The following CFAP210 variants were observed in gnomAD, a reference collection of about 807,000 sequenced individuals.
CFAP210 encodes cilia- and flagella- associated protein 210.
chr2:169,659,439 G>C, the CFAP210 span: 1,527 of 153,632 alleles, frequency 9.9e-3, 26 homozygotes, highest in African/African-American at 0.035. Flanking sequence ...CAAAGAGGAA[G>C]TAAGCATGTC....
chr2:169,652,073 A>T, the CFAP210 span, among the ~76,000 whole-genome samples: 1 of 152,176 alleles, frequency 6.6e-6, no homozygotes, highest in Non-Finnish European at 1.5e-5. Context: ...CATCTTGTTA[A>T]ATTAGGGCAT....
chr2:169,692,893 A>G, the CFAP210 span, among the ~76,000 whole-genome samples: 4 of 152,210 alleles, frequency 2.6e-5, no homozygotes, highest in Non-Finnish European at 5.9e-5. Flanking sequence ...ATCTAGGCTG[A>G]CACGGGGCTG....
At chr2:169,684,179 G>A in the CFAP210 span, among the ~76,000 whole-genome samples, 1 of 152,086 alleles carries the variant, frequency 6.6e-6, no homozygotes, top group African/African-American at 2.4e-5. Flanking sequence ...GATGGACAGA[G>A]AGAGAATATA....
At chr2:169,652,393 C>T in the CFAP210 span, among the ~76,000 whole-genome samples, 1 of 152,196 alleles carries the variant, frequency 6.6e-6, no homozygotes, top group East Asian at 1.9e-4. Context: ...TGATTGCTTA[C>T]TATGCTCCTG....
the CFAP210 span, among the ~76,000 whole-genome samples, chr2:169,650,821 A>G: frequency 6.6e-6 from 1 of 151,360 alleles, no homozygotes; most frequent in Non-Finnish European, 1.5e-5. Flanking sequence ...ATTTTAGGCC[A>G]GGTGTGGTAG....
the CFAP210 span, among the ~76,000 whole-genome samples, chr2:169,661,825 T>C: frequency 8.7e-4 from 133 of 152,262 alleles, no homozygotes; most frequent in Middle Eastern, 3.4e-3. Flanking sequence ...ATATTAAAAG[T>C]TAGGCATTTG....
chr2:169,692,330 G>T, the CFAP210 span, among the ~76,000 whole-genome samples: 1 of 152,122 alleles, frequency 6.6e-6, no homozygotes, highest in Admixed American at 6.5e-5. Context: ...TGGTTCTGGA[G>T]GCTGAGAAAG....
the CFAP210 span, among the ~76,000 whole-genome samples, chr2:169,672,183 TAAAC>T: frequency 1.3e-5 from 2 of 152,240 alleles, no homozygotes; most frequent in Non-Finnish European, 2.9e-5. Context: ...CTCATACACT[TAAAC>T]AAATATATAA....
At chr2:169,645,528 G>C in the CFAP210 span, 1 of 247,902 alleles carries the variant, frequency 4.0e-6, no homozygotes, top group Non-Finnish European at 7.8e-6. Context: ...TTAATGAATG[G>C]GTATGGGGTT....
the CFAP210 span, among the ~76,000 whole-genome samples, chr2:169,682,737 G>C: frequency 2.0e-5 from 3 of 152,132 alleles, no homozygotes; most frequent in Admixed American, 1.3e-4. Context: ...GCATAACAAA[G>C]GTAGGACAGC....
At chr2:169,645,901 G>A in the CFAP210 span, 2 of 1,613,908 alleles carry the variant, frequency 1.2e-6, no homozygotes. Flanking sequence ...GTCCCTGAGA[G>A]TTATAAAAAG....
At chr2:169,660,671 T>A in the CFAP210 span, among the ~76,000 whole-genome samples, 1 of 151,534 alleles carries the variant, frequency 6.6e-6, no homozygotes, top group Non-Finnish European at 1.5e-5. Context: ...TGGCACGATC[T>A]TGACTCACTG....
chr2:169,687,796 C>T, the CFAP210 span, among the ~76,000 whole-genome samples: 11 of 152,214 alleles, frequency 7.2e-5, no homozygotes, highest in South Asian at 8.3e-4. Context: ...AGGGACTCTA[C>T]GTGGGAGCTC....
At chr2:169,670,375 G>C in the CFAP210 span, among the ~76,000 whole-genome samples, 1 of 152,136 alleles carries the variant, frequency 6.6e-6, no homozygotes, top group African/African-American at 2.4e-5. Context: ...AGTAGCATAG[G>C]ATAGATTGTT....
At chr2:169,645,846 A>G in the CFAP210 span, 4 of 1,603,578 alleles carry the variant, frequency 2.5e-6, no homozygotes, top group African/African-American at 1.3e-5. Context: ...TTTTTCTACC[A>G]TGTAAAACCT....
At chr2:169,681,859 G>A in the CFAP210 span, among the ~76,000 whole-genome samples, 1 of 152,148 alleles carries the variant, frequency 6.6e-6, no homozygotes, top group Admixed American at 6.5e-5. Flanking sequence ...AGACTCTCAA[G>A]CTAAGTTTGA....
the CFAP210 span, among the ~76,000 whole-genome samples, chr2:169,689,314 A>C: frequency 6.6e-6 from 1 of 152,176 alleles, no homozygotes; most frequent in Non-Finnish European, 1.5e-5. Context: ...TAGTTTTTTA[A>C]AGGGTAAATT....
At chr2:169,653,702 A>C in the CFAP210 span, among the ~76,000 whole-genome samples, 1 of 152,120 alleles carries the variant, frequency 6.6e-6, no homozygotes, top group Non-Finnish European at 1.5e-5. Flanking sequence ...TCTGGAAACT[A>C]TTTATTGGTC....
chr2:169,693,713 A>AT, the CFAP210 span, among the ~76,000 whole-genome samples: 15 of 151,938 alleles, frequency 9.9e-5, no homozygotes, highest in African/African-American at 2.4e-4. Flanking sequence ...ATGTCACACG[A>AT]TTTTTTTTTA....
Sources: gnomAD v4.1 joint callset for allele counts (sites outside exome capture counted in the v4.1 genomes callset) on GRCh38, gnomAD v4.1.1 for gene constraint, MANE v1.5 for transcripts, NCBI Gene and HGNC (gene_info 2026-07-23, HGNC 2026-07-21) for gene names.